Variants in KLHL20 observed in about 807,000 individuals in gnomAD.
KLHL20 encodes kelch like family member 20, also known as kelch-like protein 20.
KLHL20 carries 29 observed loss-of-function variants against 69.5 expected under a neutral mutation model. The observed-to-expected ratio is 0.42, with a 90% CI of 0.31 to 0.57. KLHL20 has a LOEUF of 0.57. Among genes scored for constraint, KLHL20 ranks in the 20% least tolerant of loss-of-function variants. KLHL20 has a pLI of 0.18. For missense variants in KLHL20, 419 were observed against 776.0 expected (o/e 0.54, Z 5.47); for synonymous variants, 253 against 265.2 (o/e 0.95, Z 0.45).
At chr1:173,724,471 G>T (rs761442077) in intron 2 of KLHL20, among the ~76,000 whole-genome samples, 23 of 152,182 alleles carry the variant, frequency 1.5e-4, no homozygotes, top group Middle Eastern at 3.4e-3. Context: ...GTAAATATTT[G>T]TTAAAAGAAT....
chr1:173,717,874 T>C (rs550851828), intron 2 of KLHL20, among the ~76,000 whole-genome samples: 1 of 152,334 alleles, frequency 6.6e-6, no homozygotes, highest in South Asian at 2.1e-4. Flanking sequence ...ATTGGCATTT[T>C]ATTAGTAAAG....
At chr1:173,755,418 C>T (rs1241398723) in intron 5 of KLHL20, among the ~76,000 whole-genome samples, 2 of 152,118 alleles carry the variant, frequency 1.3e-5, no homozygotes, top group Non-Finnish European at 2.9e-5. Context: ...AAATATGTCT[C>T]GGTAGACTTG....
intron 3 of KLHL20, among the ~76,000 whole-genome samples, chr1:173,747,366 G>A (rs1003585185): frequency 2.0e-5 from 3 of 151,838 alleles, no homozygotes; most frequent in African/African-American, 7.2e-5. Context: ...TTTATGTCTT[G>A]ATGATAAATT....
intron 2 of KLHL20, among the ~76,000 whole-genome samples, chr1:173,731,024 G>A (rs1434782058): frequency 6.6e-6 from 1 of 151,828 alleles, no homozygotes; most frequent in East Asian, 1.9e-4. Flanking sequence ...AAATTTACAA[G>A]AAAAAAACAA....
At chr1:173,758,375 C>T (rs554362904) in intron 7 of KLHL20, among the ~76,000 whole-genome samples, 1 of 152,166 alleles carries the variant, frequency 6.6e-6, no homozygotes, top group South Asian at 2.1e-4. Context: ...TCATGGCAGA[C>T]GGGAGGCAGG....
chr1:173,715,779 G>T, intron 1 of KLHL20: 1 of 456,040 alleles, frequency 2.2e-6, no homozygotes, highest in Non-Finnish European at 3.9e-6. Context: ...GGACTATTTA[G>T]CATACTTTCC....
intron 3 of KLHL20, among the ~76,000 whole-genome samples, chr1:173,750,351 C>A (rs1673249910): frequency 6.6e-6 from 1 of 152,066 alleles, no homozygotes; most frequent in Non-Finnish European, 1.5e-5. Flanking sequence ...TCTCTCAGGC[C>A]AGAGTGCTGT....
chr1:173,762,040 A>G (rs1647339323), intron 7 of KLHL20, among the ~76,000 whole-genome samples: 1 of 152,206 alleles, frequency 6.6e-6, no homozygotes, highest in South Asian at 2.1e-4. Flanking sequence ...AACAGGAGCT[A>G]TTACAACTGA....
intron 11 of KLHL20, 69 bp from the exon 12 acceptor site, chr1:173,785,094 T>G (rs1649122971): frequency 8.4e-7 from 1 of 1,183,534 alleles, no homozygotes. Flanking sequence ...ATCTTAGTCG[T>G]AGTTAATAAC....
chr1:173,773,858 A>G (rs1476517148), intron 8 of KLHL20, among the ~76,000 whole-genome samples: 1 of 151,894 alleles, frequency 6.6e-6, no homozygotes, highest in Non-Finnish European at 1.5e-5. Flanking sequence ...CTAAAAATAC[A>G]AAAAATTAGC....
intron 4 of KLHL20, among the ~76,000 whole-genome samples, chr1:173,752,819 G>A (rs545111226): frequency 6.6e-6 from 1 of 152,174 alleles, no homozygotes; most frequent in South Asian, 2.1e-4. Flanking sequence ...GCACAGTAGG[G>A]TACCATGGGT....
intron 4 of KLHL20, among the ~76,000 whole-genome samples, chr1:173,752,948 A>G (rs10912682): frequency 0.09 from 13,716 of 152,076 alleles, 2,006 homozygotes; most frequent in African/African-American, 0.31. Context: ...CAGGCAGATC[A>G]CTTGAGCTCA....
intron 2 of KLHL20, among the ~76,000 whole-genome samples, chr1:173,719,904 A>G (rs533002650): frequency 5.3e-5 from 8 of 152,330 alleles, no homozygotes; most frequent in African/African-American, 1.9e-4. Context: ...TTTATATAGT[A>G]CCACTCTATT....
Position 173,777,999 on chromosome 1 carries a change from T to A in KLHL20, c.1638+2157T>A, listed in dbSNP as rs576359075. Among the ~76,000 whole-genome samples the A allele has an allele frequency of 5.9e-5, 9 of 152,344 alleles. No individual in the cohort carries two copies. In the East Asian group the frequency reaches 1.7e-3, roughly 29 times the overall value. ...GATAGGATTAGTATTAATTCTTCTT[T>A]AAATATTTGATAAGATTCAGCAGTG... is the stretch of plus-strand genomic sequence containing the variant. On this transcript the variant is annotated intron_variant, in intron 10 of 11. Coordinates refer to ENST00000209884, the MANE Select transcript of KLHL20 (RefSeq NM_014458.4).
intron 2 of KLHL20, among the ~76,000 whole-genome samples, chr1:173,729,569 A>G (rs1672153748): frequency 6.6e-6 from 1 of 152,232 alleles, no homozygotes; most frequent in Admixed American, 6.5e-5. Flanking sequence ...CTGGTTCAAC[A>G]TACACAAATC....
chr1:173,734,325 G>C (rs1342439645), intron 3 of KLHL20, 39 bp downstream of exon 3: 2 of 1,562,500 alleles, frequency 1.3e-6, no homozygotes, highest in Non-Finnish European at 8.8e-7. Context: ...CCATTTGTTG[G>C]AGAGCAATAT....
chr1:173,784,567 C>G (rs1156697641), intron 11 of KLHL20, among the ~76,000 whole-genome samples: 1 of 152,008 alleles, frequency 6.6e-6, no homozygotes, highest in Non-Finnish European at 1.5e-5. Flanking sequence ...GTTACATATC[C>G]AAGACTTAAA....
At chr1:173,747,249 T>G (rs1410821270) in intron 3 of KLHL20, among the ~76,000 whole-genome samples, 1 of 152,034 alleles carries the variant, frequency 6.6e-6, no homozygotes, top group South Asian at 2.1e-4. Context: ...TCTATATTCC[T>G]TTTTTGTCCT....
At chr1:173,771,559 C>A (rs1369097517) in intron 8 of KLHL20, among the ~76,000 whole-genome samples, 1 of 152,064 alleles carries the variant, frequency 6.6e-6, no homozygotes, top group Non-Finnish European at 1.5e-5. Context: ...AGTTTGAGAC[C>A]AGCCTAGGCA....
Sources: gnomAD v4.1 joint callset for allele counts (sites outside exome capture counted in the v4.1 genomes callset) on GRCh38, gnomAD v4.1.1 for gene constraint, MANE v1.5 for transcripts, NCBI Gene and HGNC (gene_info 2026-07-23, HGNC 2026-07-21) for gene names.